Variants in PTP4A2 observed in about 807,000 individuals in gnomAD.
PTP4A2 encodes the protein protein tyrosine phosphatase type IVA 2.
A neutral mutation model predicts 22.9 loss-of-function variants in PTP4A2; 2 were observed. The observed-to-expected ratio is 0.09, with a 90% CI of 0.04 to 0.27. PTP4A2 has a LOEUF of 0.27. Among genes scored for constraint, PTP4A2 ranks in the 10% least tolerant of loss-of-function variants. The probability of loss-of-function intolerance (pLI) is 1.00; values close to 1 mark genes in which losing one functional copy is unlikely to be tolerated. For missense variants in PTP4A2, 103 were observed against 205.1 expected (o/e 0.50, Z 3.04); for synonymous variants, 68 against 69.1 (o/e 0.98, Z 0.08).
chr1:31,916,272 G>C (rs772089160), intron 2 of PTP4A2, among the ~76,000 whole-genome samples: 9 of 144,640 alleles, frequency 6.2e-5, no homozygotes, highest in Non-Finnish European at 1.3e-4. Context: ...TTGAACCCAG[G>C]AGGCAGATAT....
At chr1:31,911,664 A>G (rs927757201) in intron 4 of PTP4A2, 32 bp downstream of exon 4, 4 of 1,526,886 alleles carry the variant, frequency 2.6e-6, no homozygotes, top group Non-Finnish European at 3.5e-6. Context: ...TAATGAATTC[A>G]GACAAAAAGG....
intron 1 of PTP4A2, among the ~76,000 whole-genome samples, chr1:31,932,009 A>C (rs1424846560): frequency 2.6e-5 from 4 of 152,236 alleles, no homozygotes; most frequent in African/African-American, 7.2e-5. Flanking sequence ...AACCTAGTGA[A>C]TGTTTCCTGT....
intron 1 of PTP4A2, among the ~76,000 whole-genome samples, chr1:31,922,610 C>G (rs1036145763): frequency 3.4e-5 from 5 of 148,076 alleles, no homozygotes; most frequent in African/African-American, 1.3e-4. Flanking sequence ...TTCTTTCTTT[C>G]TTTCTTTCTT....
intron 1 of PTP4A2, among the ~76,000 whole-genome samples, chr1:31,926,689 A>G (rs887375301): frequency 1.3e-5 from 2 of 152,196 alleles, no homozygotes; most frequent in Non-Finnish European, 2.9e-5. Flanking sequence ...TGGGTCACAT[A>G]CTCTTACAGG....
intron 1 of PTP4A2, among the ~76,000 whole-genome samples, chr1:31,935,338 T>C (rs2124281022): frequency 6.6e-6 from 1 of 152,276 alleles, no homozygotes; most frequent in Middle Eastern, 3.4e-3. Context: ...AAAGCCTAGC[T>C]TAGGCCCCAA....
intron 1 of PTP4A2, among the ~76,000 whole-genome samples, chr1:31,927,228 T>C (rs1166950559): frequency 1.3e-5 from 2 of 152,190 alleles, no homozygotes; most frequent in African/African-American, 4.8e-5. Context: ...TGGAGGCCAT[T>C]ATCCTAAGCG....
intron 3 of PTP4A2, chr1:31,914,579 C>G (rs1254256130): frequency 5.5e-6 from 1 of 182,602 alleles, no homozygotes; most frequent in Admixed American, 6.3e-5. Flanking sequence ...AAACCAGTAT[C>G]TTCCTTGTTA....
At chr1:31,928,998 T>TGAAAAGG (rs1196593388) in intron 1 of PTP4A2, among the ~76,000 whole-genome samples, 3 of 152,158 alleles carry the variant, frequency 2.0e-5, no homozygotes, top group African/African-American at 7.2e-5. Flanking sequence ...CCCACCAAAA[T>TGAAAAGG]GAAAAGGGAG....
chr1:31,923,862 C>G (rs1263443343), intron 1 of PTP4A2, among the ~76,000 whole-genome samples: 1 of 152,116 alleles, frequency 6.6e-6, no homozygotes, highest in Admixed American at 6.6e-5. Flanking sequence ...ATCTTCCATA[C>G]AAGTATAATT....
intron 1 of PTP4A2, among the ~76,000 whole-genome samples, chr1:31,923,468 G>A (rs1652297236): frequency 6.6e-6 from 1 of 150,926 alleles, no homozygotes. Context: ...CCGAGTAGCT[G>A]GGACTACAGG....
intron 2 of PTP4A2, 107 bp downstream of exon 2, chr1:31,918,863 G>A: frequency 1.5e-6 from 1 of 653,002 alleles, no homozygotes; most frequent in Non-Finnish European, 2.7e-6. Flanking sequence ...AACCAGGATT[G>A]GCAGGATGAC....
In PTP4A2 at chr1:31,911,647, G is replaced by C. The variant is rs566501255; in HGVS notation, c.320+49C>G. 43 of 1,486,394 alleles carry C rather than the reference G, an allele frequency of 2.9e-5. No individual in the cohort carries two copies. In the East Asian group the frequency reaches 1.0e-3, roughly 35 times the overall value. The allele number at this position is 1,486,394 out of a possible 1,614,324, so 92.1% of individuals were successfully genotyped here. ...CAAAGTGAAACTTTCAACTAACTTA[G>C]GCATGGTAATGAATTCAGACAAAAA... On this transcript the variant is annotated intron_variant, in intron 4 of 5. Transcript: ENST00000647444.
chr1:31,922,597 T>C (rs1439010624), intron 1 of PTP4A2, among the ~76,000 whole-genome samples: 5 of 79,094 alleles, frequency 6.3e-5, no homozygotes, highest in Non-Finnish European at 1.1e-4. Flanking sequence ...TTTCTTTCTT[T>C]CTTTCTTTCT....
chr1:31,926,997 C>T (rs1455088070), intron 1 of PTP4A2, among the ~76,000 whole-genome samples: 3 of 151,966 alleles, frequency 2.0e-5, no homozygotes, highest in Non-Finnish European at 1.5e-5. Flanking sequence ...TTAGAGTATG[C>T]TAGGAACAAG....
At chr1:31,934,138 A>T (rs1652841302) in intron 1 of PTP4A2, among the ~76,000 whole-genome samples, 1 of 152,086 alleles carries the variant, frequency 6.6e-6, no homozygotes, top group South Asian at 2.1e-4. Flanking sequence ...GTGTGCCGGT[A>T]ATCCAGCTAC....
rs781144899 is a variant in PTP4A2, at chr1:31,911,779, A to G, written c.237T>C (p.Asp79=). 1.9e-6 allele frequency: 3 copies of G among 1,604,354 alleles called. No homozygotes were observed. The highest frequency in any genetic ancestry group is 2.5e-6 in the Non-Finnish European group (3 of 1,176,488). Residue 79 remains aspartate, a synonymous_variant, in exon 4 of 6, where the codon GAT becomes GAC. Transcript: ENST00000647444. ...DGAPPPNQIV[D]DWLNLLKTKF... The stretch of plus-strand genomic sequence containing the variant: ...TGGTTTTTAACAGGTTTAACCAATC[A>G]TCTACTATCTGATTAGGGGGTGGAG...
In PTP4A2 at chr1:31,919,511, T is replaced by A. The variant is rs998752354; in HGVS notation, c.-446A>T. 1 of 152,238 alleles carries A rather than the reference T, an allele frequency of 6.6e-6. No individual in the cohort carries two copies. The highest frequency in any genetic ancestry group is 6.6e-5 in the Admixed American group (1 of 15,184). The allele number at this position is 152,238 out of a possible 1,614,324, so 9.4% of individuals were successfully genotyped here. A position where few individuals can be genotyped will look rare whatever the true frequency, so the allele number is the denominator to read the frequency against. On this transcript the variant is annotated 5_prime_UTR_variant, in exon 2 of 6. Coordinates refer to ENST00000647444, the MANE Select transcript of PTP4A2 (RefSeq NM_080391.4). ...CAACTATTTCTGAGGCCAGTCTCGG[T>A]GTCCAGGAGTCTTCAAGGCAATGTT...
At chr1:31,926,149 A>AATATATAT (rs1553212254) in intron 1 of PTP4A2, among the ~76,000 whole-genome samples, 2 of 131,326 alleles carry the variant, frequency 1.5e-5, no homozygotes, top group African/African-American at 5.7e-5. Context: ...AAAAAAAAAA[A>AATATATAT]ATATATATAT....
chr1:31,934,101 C>T (rs663059), intron 1 of PTP4A2: 43,141 of 151,678 alleles, frequency 0.28, 8,937 homozygotes, highest in African/African-American at 0.58. Flanking sequence ...CCACTAAAAA[C>T]ACAAAAAATT....
Sources: gnomAD v4.1 joint callset for allele counts (sites outside exome capture counted in the v4.1 genomes callset) on GRCh38, gnomAD v4.1.1 for gene constraint, MANE v1.5 for transcripts, NCBI Gene and HGNC (gene_info 2026-07-23, HGNC 2026-07-21) for gene names.